LPL: variants seen among roughly 807,000 people sequenced by gnomAD.
The protein encoded by LPL is lipoprotein lipase.
LPL carries 43 observed loss-of-function variants against 52.2 expected under a neutral mutation model. The ratio of observed to expected loss-of-function variants is 0.82; its 90% CI spans 0.64 to 1.06. The LOEUF (loss-of-function observed/expected upper bound fraction) is 1.06. Ranked by LOEUF, LPL falls within the 50% of genes least tolerant of loss-of-function variation. The pLI is 0.00. For missense variants in LPL, 639 were observed against 585.3 expected (o/e 1.09, Z -0.95); for synonymous variants, 244 against 215.6 (o/e 1.13, Z -1.15).
At position 19,965,752 on chromosome 8, in the gene LPL, C is replaced by A. The variant is rs1181430580; in HGVS notation, c.*442C>A. On this transcript the variant is annotated 3_prime_UTR_variant, in exon 10 of 10. Transcript: ENST00000650287. ...TAAGTCTCCAAGAATACAGAAAATG[C>A]TTTTCCGCGGCACGAATCAGACTCA... 4.4e-5 allele frequency: 7 copies of A among 158,192 alleles called. No individual in the cohort carries two copies. The highest frequency in any genetic ancestry group is 2.4e-5 in the African/African-American group (1 of 41,222). The allele number at this position is 158,192 out of a possible 1,614,324, so 9.8% of individuals were successfully genotyped here. A position where few individuals can be genotyped will look rare whatever the true frequency, so the allele number is the denominator to read the frequency against.
intron 7 of LPL, among the ~76,000 whole-genome samples, chr8:19,960,647 T>C (rs1352410711): frequency 6.6e-6 from 1 of 152,200 alleles, no homozygotes; most frequent in African/African-American, 2.4e-5. Flanking sequence ...TTCTGAATGA[T>C]TGACTTCAGG....
At chr8:19,940,428 G>A (rs1211769898) in intron 1 of LPL, among the ~76,000 whole-genome samples, 3 of 152,222 alleles carry the variant, frequency 2.0e-5, no homozygotes, top group Non-Finnish European at 2.9e-5. Context: ...GCGCCGCGTG[G>A]AGGCAGCGAG....
At chr8:19,940,712 A>T (rs2069830509) in intron 1 of LPL, among the ~76,000 whole-genome samples, 1 of 152,242 alleles carries the variant, frequency 6.6e-6, no homozygotes, top group Non-Finnish European at 1.5e-5. Context: ...TTCAAGTTAT[A>T]ATAGAGTCTC....
chr8:19,955,724 T>C lies in LPL; in HGVS notation c.776-117T>C, dbSNP rs1478176271. 6 of 1,325,390 alleles carry C rather than the reference T, an allele frequency of 4.5e-6. No homozygotes were observed. In the East Asian group the frequency reaches 9.2e-5, roughly 20 times the overall value. The allele number at this position is 1,325,390 out of a possible 1,614,324, so 82.1% of individuals were successfully genotyped here. A position where few individuals can be genotyped will look rare whatever the true frequency, so the allele number is the denominator to read the frequency against. On this transcript the variant is annotated intron_variant, in intron 5 of 9. Transcript: ENST00000650287. Reference sequence around the variant, plus strand: ...GCCTACAATCATAAATGCACAGGACTATATCCTTGGGTGATTCTACTCTAA... The same window carrying C: ...GCCTACAATCATAAATGCACAGGACCATATCCTTGGGTGATTCTACTCTAA...
intron 1 of LPL, among the ~76,000 whole-genome samples, chr8:19,941,102 C>G (rs2069835195): frequency 6.6e-6 from 1 of 151,996 alleles, no homozygotes; most frequent in African/African-American, 2.4e-5. Context: ...AAAATTAAAA[C>G]AAAACAAAAC....
Position 19,944,570 on chromosome 8 carries a change from A to G in LPL, c.89-3610A>G, listed in dbSNP as rs1161737040. On this transcript the variant is annotated intron_variant, in intron 1 of 9. Transcript: ENST00000650287. This position sits in a 1 kb window ranked among gnomAD's most constrained non-coding sequence, Gnocchi z 4.2. ...CATAAATGTTCATCTTACTCACGTGATGACTTTGATCTGCCTTTAAAGCAC... is the reference window on the plus strand; with the variant it reads ...CATAAATGTTCATCTTACTCACGTGGTGACTTTGATCTGCCTTTAAAGCAC... Among the ~76,000 whole-genome samples the G allele has an allele frequency of 6.6e-6, 1 of 152,116 alleles. No homozygotes were observed. Among genetic ancestry groups the G allele is most frequent in the African/African-American group, 2.4e-5 (1 of 41,418 alleles).
chr8:19,960,843 T>TG, intron 7 of LPL, 58 bp from the exon 8 acceptor site: 8 of 1,273,334 alleles, frequency 6.3e-6, no homozygotes, highest in Non-Finnish European at 9.2e-6. Context: ...GAAAAAAAAG[T>TG]GGGGGGCAGG....
At chr8:19,964,569 G>A (rs2070069078) in intron 9 of LPL, among the ~76,000 whole-genome samples, 1 of 152,060 alleles carries the variant, frequency 6.6e-6, no homozygotes, top group South Asian at 2.1e-4. Context: ...TCGTTCTGTT[G>A]CCCAGGCTAG....
chr8:19,953,968 A>G (rs968778487), intron 4 of LPL, 152 bp from the exon 5 acceptor site: 5 of 687,172 alleles, frequency 7.3e-6, no homozygotes, highest in South Asian at 3.3e-5. Flanking sequence ...GCCTCCTTTT[A>G]TGTCTCTCTA....
chr8:19,956,796 T>C (rs902711758), intron 6 of LPL, among the ~76,000 whole-genome samples: 1 of 152,210 alleles, frequency 6.6e-6, no homozygotes, highest in Admixed American at 6.5e-5. Context: ...GTTCACAACT[T>C]ACATAAAGGC....
In LPL at chr8:19,959,577, A is replaced by C. The variant is rs577478377; in HGVS notation, c.1139+197A>C. 3.9e-4 allele frequency among the ~76,000 whole-genome samples: 59 copies of C among 152,228 alleles called. No homozygotes were observed. The South Asian group carries it at 0.011, about 29-fold the overall frequency. ...CAAATTGGCCATTTTATTTTCACTT[A>C]CTAGTTATATTTTTTTATTTATCAT... On this transcript the variant is annotated intron_variant, in intron 7 of 9. Transcript: ENST00000650287.
At chr8:19,946,181 T>C (rs763874138) in intron 1 of LPL, among the ~76,000 whole-genome samples, 4 of 152,212 alleles carry the variant, frequency 2.6e-5, no homozygotes, top group African/African-American at 9.7e-5. Context: ...ACTTTTACTA[T>C]ATGCAAATGA....
At chr8:19,961,124 CCTGATGTCAGGACCTAGGGG>C (rs1432310552) in intron 8 of LPL, 41 bp downstream of exon 8, 13 of 1,585,204 alleles carry the variant, frequency 8.2e-6, no homozygotes, top group Non-Finnish European at 1.1e-5. Flanking sequence ...TAGACCCCCA[CCTGATGTCAGGACCTAGGGG>C]CTGTATTTCA....
At chr8:19,943,519 T>C (rs930154152) in intron 1 of LPL, among the ~76,000 whole-genome samples, 2 of 152,242 alleles carry the variant, frequency 1.3e-5, no homozygotes, top group Admixed American at 6.5e-5. Context: ...TGGACTTTCA[T>C]TGTGTTAGTT....
At chr8:19,946,601 A>C (rs1213155655) in intron 1 of LPL, 1 of 279,286 alleles carries the variant, frequency 3.6e-6, no homozygotes, top group Non-Finnish European at 7.2e-6. Context: ...AATTTAGATT[A>C]AGGAATGAGA....
rs2069810910 is a variant in LPL at position 19,939,506 on chromosome 8, C to T, written c.66C>T (p.Arg22=). 2 of 1,609,674 alleles carry T rather than the reference C, an allele frequency of 1.2e-6. No individual in the cohort carries two copies. The highest frequency in any genetic ancestry group is 1.7e-5 in the Admixed American group (1 of 59,696). ...GGCTCCAGAGTCTGACCGCCTCCCGCGGAGGGGTGGCCGCCGCCGACCGTA... is the reference window on the plus strand; with the variant it reads ...GGCTCCAGAGTCTGACCGCCTCCCGTGGAGGGGTGGCCGCCGCCGACCGTA... ...AVWLQSLTAS[R]GGVAAADQRR... The change falls in exon 1 of 10, where the codon CGC becomes CGT. Residue 22 remains arginine (R), a synonymous_variant. Coordinates refer to ENST00000650287, the MANE Select transcript of LPL (RefSeq NM_000237.3). This position sits in a 1 kb window ranked among gnomAD's most constrained non-coding sequence, Gnocchi z 4.0.
chr8:19,948,194 A>G lies in LPL; in HGVS notation c.103A>G (p.Ile35Val), dbSNP rs1373096843. The G allele has an allele frequency of 1.2e-6, 2 of 1,614,192 alleles. No homozygotes were observed. Among genetic ancestry groups the G allele is most frequent in the Non-Finnish European group, 1.7e-6 (2 of 1,179,996 alleles). ...VAAADQRRDF[I>V]DIESKFALRT... Reference sequence around the variant, plus strand: ...TTCCTTTCCAGAAAGAAGAGATTTTATCGACATCGAAAGTAAATTTGCCCT... The same window carrying G: ...TTCCTTTCCAGAAAGAAGAGATTTTGTCGACATCGAAAGTAAATTTGCCCT... Residue 35 changes from isoleucine to valine, a missense_variant, in exon 2 of 10, where the codon ATC (isoleucine) becomes GTC (valine). Physicochemically the swap from Ile to Val is conservative, Grantham distance 29 (BLOSUM62 3). Coordinates refer to ENST00000650287, the MANE Select transcript of LPL (RefSeq NM_000237.3).
rs745596838 is a variant in LPL, at chr8:19,962,163, G to C, written c.1371G>C (p.Lys457Asn). Residue 457 changes from lysine (K) to asparagine (N), a missense_variant, in exon 9 of 10, where the codon AAG (lysine) becomes AAC (asparagine). Coordinates refer to ENST00000650287, the MANE Select transcript of LPL (RefSeq NM_000237.3). The stretch of plus-strand genomic sequence containing the variant: ...AAGTGTCTCATTTGCAGAAAGGAAA[G>C]GCACCTGCGGTATTTGTGAAATGCC... Reference protein sequence around the residue: ...REKVSHLQKGKAPAVFVKCHD... With the variant: ...REKVSHLQKGNAPAVFVKCHD... The C allele has an allele frequency of 1.9e-6, 3 of 1,613,812 alleles. No homozygotes were observed. The African/African-American group carries it at 4.0e-5, about 22-fold the overall frequency.
intron 1 of LPL, among the ~76,000 whole-genome samples, chr8:19,947,202 A>C (rs2069888853): frequency 6.6e-6 from 1 of 152,144 alleles, no homozygotes; most frequent in African/African-American, 2.4e-5. Flanking sequence ...ATTTTTTTTA[A>C]ATTATTTTAT....
Sources: allele counts gnomAD v4.1 joint callset (sites outside exome capture counted in the v4.1 genomes callset), GRCh38; gene constraint gnomAD v4.1.1; non-coding constraint Gnocchi (gnomAD v3.1); transcripts MANE v1.5; gene names NCBI Gene and HGNC (gene_info 2026-07-23, HGNC 2026-07-21).